The following KIAA1217 variants were observed in gnomAD, a reference collection of about 807,000 sequenced individuals.
KIAA1217 encodes the protein KIAA1217.
In KIAA1217, 88 loss-of-function variants were observed where a neutral mutation model predicts 163.9. The observed-to-expected ratio is 0.54, with a 90% confidence interval of 0.45 to 0.64. The LOEUF is 0.64. Ranked by LOEUF, KIAA1217 falls within the 30% of genes least tolerant of loss-of-function variation. The pLI is 0.00. For missense variants in KIAA1217, 2,372 were observed against 2,475.0 expected, an observed-to-expected ratio of 0.96 and a Z score of 0.88; for synonymous variants, 903 against 923.1, an observed-to-expected ratio of 0.98 and a Z score of 0.39.
intron 2 of KIAA1217, among the ~76,000 whole-genome samples, chr10:24,304,428 T>C (rs12218432): frequency 0.1 from 15,503 of 152,046 alleles, 1,246 homozygotes; most frequent in East Asian, 0.23. Flanking sequence ...GCATTCATAG[T>C]TCCTGGGCTC....
At chr10:24,511,152 C>CAAAAA (rs58529942) in intron 9 of KIAA1217, among the ~76,000 whole-genome samples, 5 of 34,512 alleles carry the variant, frequency 1.4e-4, no homozygotes, top group South Asian at 1.6e-3. Flanking sequence ...GACTCTGTCT[C>CAAAAA]AAAAAAAAAA....
At chr10:24,420,322 T>A (rs572978825) in intron 3 of KIAA1217, among the ~76,000 whole-genome samples, 1 of 152,334 alleles carries the variant, frequency 6.6e-6, no homozygotes, top group Non-Finnish European at 1.5e-5. Flanking sequence ...AGTTTCCCTC[T>A]CATTGAATTG....
chr10:24,051,377 G>GT (rs1181475185), intron 2 of KIAA1217, among the ~76,000 whole-genome samples: 2 of 152,168 alleles, frequency 1.3e-5, no homozygotes, highest in African/African-American at 2.4e-5. Context: ...CCATGTGCAA[G>GT]TGTCTTTTTC....
chr10:24,514,851 C>A (rs1472131134), intron 10 of KIAA1217, among the ~76,000 whole-genome samples: 4 of 151,422 alleles, frequency 2.6e-5, no homozygotes, highest in African/African-American at 7.3e-5. Context: ...AAATAGCTGG[C>A]CATTGTGGTG....
In KIAA1217 at chr10:24,351,322, C is replaced by T. The variant is rs538804579; in HGVS notation, c.355-29547C>T. Among the ~76,000 whole-genome samples the T allele has an allele frequency of 3.9e-5, 6 of 152,274 alleles. No homozygotes were observed. In the East Asian group the frequency reaches 1.2e-3, roughly 29 times the overall value. ...ATTTCTATCTGGTTTTCTTTCTTCCCTTCTAAGAGTCTGTATCTTCTTCCC... is the reference window on the plus strand; with the variant it reads ...ATTTCTATCTGGTTTTCTTTCTTCCTTTCTAAGAGTCTGTATCTTCTTCCC... On this transcript the variant is annotated intron_variant, in intron 2 of 20. Coordinates refer to ENST00000376454, the MANE Select transcript of KIAA1217 (RefSeq NM_019590.5).
intron 1 of KIAA1217, among the ~76,000 whole-genome samples, chr10:23,866,885 C>T (rs1189136451): frequency 6.6e-6 from 1 of 151,618 alleles, no homozygotes; most frequent in Non-Finnish European, 1.5e-5. Flanking sequence ...TTTTAGGGTA[C>T]ATGTGCACAA....
At chr10:23,811,242 T>C (rs1837034007) in intron 1 of KIAA1217, among the ~76,000 whole-genome samples, 1 of 144,074 alleles carries the variant, frequency 6.9e-6, no homozygotes. Flanking sequence ...GTATATATAT[T>C]ATATATAGTA....
chr10:24,449,298 C>T (rs765272311), intron 5 of KIAA1217: 18 of 193,874 alleles, frequency 9.3e-5, no homozygotes, highest in East Asian at 3.7e-4. Flanking sequence ...TTTCCTGCTG[C>T]GTGGCTGCTT....
At chr10:24,074,922 C>T (rs2061319738) in intron 2 of KIAA1217, among the ~76,000 whole-genome samples, 1 of 151,990 alleles carries the variant, frequency 6.6e-6, no homozygotes, top group South Asian at 2.1e-4. Flanking sequence ...TGGCCTTGAA[C>T]TCCTGAGCTC....
At chr10:24,322,717 C>G (rs564661211) in intron 2 of KIAA1217, among the ~76,000 whole-genome samples, 4 of 152,108 alleles carry the variant, frequency 2.6e-5, no homozygotes, top group Non-Finnish European at 4.4e-5. Flanking sequence ...CTAAGAAGCC[C>G]CATCTCTATT....
At chr10:24,210,312 C>T (rs12242447) in intron 1 of KIAA1217, among the ~76,000 whole-genome samples, 2,510 of 152,250 alleles carry the variant, frequency 0.016, 72 homozygotes, top group African/African-American at 0.056. Context: ...ATGCAGAAAA[C>T]TTGAAGTTTT....
intron 1 of KIAA1217, among the ~76,000 whole-genome samples, chr10:23,768,367 A>G (rs1482241646): frequency 6.6e-6 from 1 of 152,172 alleles, no homozygotes; most frequent in African/African-American, 2.4e-5. Context: ...GAGAGAAAAA[A>G]CTATTTGAGA....
chr10:24,098,590 A>T (rs1010217635), intron 2 of KIAA1217, among the ~76,000 whole-genome samples: 4 of 152,082 alleles, frequency 2.6e-5, no homozygotes, highest in African/African-American at 9.7e-5. Context: ...CAGCTCAGGG[A>T]CTAGACAAAT....
chr10:23,988,970 C>T (rs1043875581), intron 1 of KIAA1217, among the ~76,000 whole-genome samples: 1 of 152,096 alleles, frequency 6.6e-6, no homozygotes, highest in Non-Finnish European at 1.5e-5. Flanking sequence ...TTACGTAATA[C>T]CTTGATATAA....
At chr10:24,432,945 T>A in intron 3 of KIAA1217, 50 bp from the exon 4 acceptor site, 1 of 1,473,672 alleles carries the variant, frequency 6.8e-7, no homozygotes, top group Non-Finnish European at 9.5e-7. Context: ...TTGTGCTGTG[T>A]GTCCCCTGAG....
chr10:23,767,435 A>G (rs1564403191), intron 1 of KIAA1217, among the ~76,000 whole-genome samples: 1 of 152,172 alleles, frequency 6.6e-6, no homozygotes, highest in Non-Finnish European at 1.5e-5. Flanking sequence ...AGAAAGAAAT[A>G]AGAAGGACAT....
chr10:24,513,562 A>G (rs2069541147), intron 10 of KIAA1217, 128 bp downstream of exon 10: 1 of 832,424 alleles, frequency 1.2e-6, no homozygotes. Context: ...TGTAAAAGTT[A>G]GAGTTCTGCT....
Position 24,473,941 on chromosome 10 carries a change from T to C in KIAA1217, c.1560T>C (p.Tyr520=), listed in dbSNP as rs2133081630. 1.2e-6 allele frequency: 2 copies of C among 1,614,134 alleles called. No homozygotes were observed. Among genetic ancestry groups the C allele is most frequent in the Non-Finnish European group, 1.7e-6 (2 of 1,180,030 alleles). The part of the protein sequence containing the change: ...AFKKEPGTLV[Y]IEKPRSAAGL... ...AAAAGGAGCCAGGCACCTTGGTGTA[T>C]ATAGAAAAGCCACGGAGCGCTGCAG... is the stretch of plus-strand genomic sequence containing the variant. Residue 520 remains tyrosine, a synonymous_variant, in exon 6 of 21, where the codon TAT becomes TAC. Coordinates refer to ENST00000376454, the MANE Select transcript of KIAA1217 (RefSeq NM_019590.5).
At chr10:24,068,076 A>G (rs2061037170) in intron 2 of KIAA1217, among the ~76,000 whole-genome samples, 1 of 152,032 alleles carries the variant, frequency 6.6e-6, no homozygotes, top group African/African-American at 2.4e-5. Flanking sequence ...GAATTCCCTG[A>G]CCCCTTGTGC....
Sources: gnomAD v4.1 joint callset for allele counts (sites outside exome capture counted in the v4.1 genomes callset) on GRCh38, gnomAD v4.1.1 for gene constraint, MANE v1.5 for transcripts, NCBI Gene and HGNC (gene_info 2026-07-23, HGNC 2026-07-21) for gene names.